ABCC9: variants seen among roughly 807,000 people sequenced by gnomAD.
ABCC9 encodes the protein ATP binding cassette subfamily C member 9.
ABCC9 carries 95 observed loss-of-function variants against 188.3 expected under a neutral mutation model. That is an observed-to-expected ratio of 0.50 (90% CI 0.43 to 0.60). The LOEUF is 0.60. Among genes scored for constraint, ABCC9 ranks in the 20% least tolerant of loss-of-function variants. ABCC9 has a pLI of 0.00. For synonymous variants in ABCC9, 659 were observed against 652.7 expected (o/e 1.01, Z -0.15); for missense variants, 1,102 against 1,876.3 (o/e 0.59, Z 7.62).
At position 21,818,666 on chromosome 12, in the gene ABCC9, G is replaced by A. The variant is rs181951764; in HGVS notation, c.3670-415C>T. ...TTACTTTTTTTTTTTTTTTTTTTCC[G>A]ACTTTCTACTGCATTATGTTGCCAG... On this transcript the variant is annotated intron_variant, in intron 31 of 39. Coordinates refer to ENST00000261200, the MANE Select transcript of ABCC9 (RefSeq NM_020297.4). Among the ~76,000 whole-genome samples the A allele has an allele frequency of 3.9e-3, 486 of 125,200 alleles. 4 individuals carry two copies. Among genetic ancestry groups the A allele is most frequent in the African/African-American group, 0.013 (446 of 33,092 alleles). 82.1% of individuals were successfully genotyped at this position (125,200 alleles called of 152,430 possible).
chr12:21,846,091 G>A (rs1050456467), intron 25 of ABCC9, among the ~76,000 whole-genome samples: 2 of 152,146 alleles, frequency 1.3e-5, no homozygotes, highest in Admixed American at 1.3e-4. Context: ...ACATCAAATT[G>A]ACTGGAAGAA....
chr12:21,802,775 G>A (rs1026110680), intron 39 of ABCC9, among the ~76,000 whole-genome samples: 2 of 152,056 alleles, frequency 1.3e-5, no homozygotes, highest in Non-Finnish European at 2.9e-5. Context: ...GTCTTCCAAA[G>A]TGCTTCTCTG....
At chr12:21,839,838 T>A (rs1944289588) in intron 29 of ABCC9, among the ~76,000 whole-genome samples, 2 of 152,192 alleles carry the variant, frequency 1.3e-5, no homozygotes, top group Admixed American at 1.3e-4. Context: ...AAATGGAGTT[T>A]CTAAAATGGA....
rs565927065 is a variant in ABCC9 at position 21,812,093 on chromosome 12, A to C, written c.4167T>G (p.Leu1389=). 1 of 1,613,338 alleles carries C rather than the reference A, an allele frequency of 6.2e-7. No individual in the cohort carries two copies. The highest frequency in any genetic ancestry group is 8.5e-7 in the Non-Finnish European group (1 of 1,179,396). The change falls in exon 36 of 40, where the codon CTT becomes CTG. Residue 1389 remains leucine (L), a synonymous_variant. Coordinates refer to ENST00000261200, the MANE Select transcript of ABCC9 (RefSeq NM_020297.4). ...KLPLHTLRSR[L]SIILQDPILF... Reference sequence around the variant, plus strand: ...GTATTGGATCCTGCAGAATGATTGAAAGTCTAGAACGTAGTGTGTGCAGTG... The same window carrying C: ...GTATTGGATCCTGCAGAATGATTGACAGTCTAGAACGTAGTGTGTGCAGTG...
chr12:21,853,933 T>G (rs1945097407), intron 22 of ABCC9, among the ~76,000 whole-genome samples: 1 of 152,166 alleles, frequency 6.6e-6, no homozygotes, highest in Non-Finnish European at 1.5e-5. Context: ...GAAAAAAAGT[T>G]TATAAAGGTC....
intron 15 of ABCC9, among the ~76,000 whole-genome samples, chr12:21,883,761 A>G (rs1357304729): frequency 6.6e-6 from 1 of 152,020 alleles, no homozygotes; most frequent in Non-Finnish European, 1.5e-5. Context: ...GTGTTTCATC[A>G]GGAGATCCAT....
intron 25 of ABCC9, among the ~76,000 whole-genome samples, chr12:21,847,792 T>A (rs1393363734): frequency 6.6e-6 from 1 of 152,202 alleles, no homozygotes; most frequent in African/African-American, 2.4e-5. Flanking sequence ...TTCCCCTTTA[T>A]TACTTATTTC....
intron 15 of ABCC9, among the ~76,000 whole-genome samples, chr12:21,886,544 C>T (rs1592149781): frequency 6.6e-6 from 1 of 152,226 alleles, no homozygotes; most frequent in East Asian, 1.9e-4. Context: ...TACTGATCTA[C>T]GTGTTTTACT....
chr12:21,865,338 A>C (rs1945727009), intron 18 of ABCC9, among the ~76,000 whole-genome samples: 1 of 152,116 alleles, frequency 6.6e-6, no homozygotes, highest in Admixed American at 6.6e-5. Flanking sequence ...ACTACTGCAC[A>C]CTGCTAATGA....
intron 5 of ABCC9, among the ~76,000 whole-genome samples, chr12:21,918,800 G>A (rs1592234515): frequency 2.0e-5 from 3 of 152,038 alleles, no homozygotes; most frequent in African/African-American, 7.3e-5. Context: ...CTAGAACCCA[G>A]GCACAGGTCC....
At chr12:21,807,893 T>A (rs918527199) in intron 37 of ABCC9, among the ~76,000 whole-genome samples, 2 of 152,170 alleles carry the variant, frequency 1.3e-5, no homozygotes, top group African/African-American at 2.4e-5. Context: ...ACTTCTCTTT[T>A]CATTATACCA....
At position 21,933,941 on chromosome 12, in the gene ABCC9, G is replaced by T; in HGVS notation, c.143-18C>A. 6.2e-7 allele frequency: 1 copy of T among 1,612,994 alleles called. No individual in the cohort carries two copies. The highest frequency in any genetic ancestry group is 1.3e-5 in the African/African-American group (1 of 74,950). On this transcript the variant is annotated intron_variant, in intron 3 of 39. Transcript: ENST00000261200. ...CCCCCACCCTGGAAAAGAGAGAAAA[G>T]TTAAAAACAAAAAGACATAAACCGA...
chr12:21,886,707 G>A (rs1387488691), intron 15 of ABCC9, among the ~76,000 whole-genome samples: 1 of 151,836 alleles, frequency 6.6e-6, no homozygotes, highest in Non-Finnish European at 1.5e-5. Context: ...GGCTTACGAG[G>A]GCCCTCAATC....
intron 2 of ABCC9, among the ~76,000 whole-genome samples, chr12:21,938,659 T>A (rs904549169): frequency 3.3e-5 from 5 of 152,234 alleles, no homozygotes; most frequent in Admixed American, 6.5e-5. Context: ...ACTTTTATAA[T>A]CTTATCCAAA....
rs1207769586 is a variant in ABCC9 at position 21,845,808 on chromosome 12, T to A, written c.2891A>T (p.Asp964Val). ...DEEEEEEEDEDDNMSTVMRLR... is the reference protein window; with the variant it reads ...DEEEEEEEDEVDNMSTVMRLR... ...CCTCATTACAGTGGACATGTTATCATCCTCATCTTCCTCCTCTTCTTCCTC... is the reference window on the plus strand; with the variant it reads ...CCTCATTACAGTGGACATGTTATCAACCTCATCTTCCTCCTCTTCTTCCTC... Residue 964 changes from aspartate to valine, a missense_variant, in exon 26 of 40, where the codon GAT becomes GTT. Coordinates refer to ENST00000261200, the MANE Select transcript of ABCC9 (RefSeq NM_020297.4). 3 of 1,613,470 alleles carry A rather than the reference T, an allele frequency of 1.9e-6. No homozygotes were observed. The highest frequency in any genetic ancestry group is 2.5e-6 in the Non-Finnish European group (3 of 1,179,804).
At chr12:21,825,828 C>T (rs369695567) in intron 31 of ABCC9, among the ~76,000 whole-genome samples, 17 of 152,152 alleles carry the variant, frequency 1.1e-4, no homozygotes, top group Admixed American at 2.6e-4. Flanking sequence ...GGATGAGGTT[C>T]GGAGAACGTC....
At chr12:21,865,140 T>C (rs762539387) in intron 18 of ABCC9, among the ~76,000 whole-genome samples, 1 of 152,090 alleles carries the variant, frequency 6.6e-6, no homozygotes, top group Non-Finnish European at 1.5e-5. Flanking sequence ...TAATTTAGGG[T>C]CAGTTGAATT....
At chr12:21,895,450 G>A in intron 12 of ABCC9, 135 bp from the exon 13 acceptor site, 1 of 765,050 alleles carries the variant, frequency 1.3e-6, no homozygotes, top group Non-Finnish European at 2.2e-6. Context: ...TTTGTCTGGA[G>A]TCCACAAACA....
intron 4 of ABCC9, among the ~76,000 whole-genome samples, chr12:21,927,553 C>A (rs750002776): frequency 6.6e-6 from 1 of 151,960 alleles, no homozygotes; most frequent in South Asian, 2.1e-4. Flanking sequence ...AGGGTGATGG[C>A]AATAGAGAAG....
Sources: gnomAD v4.1 joint callset for allele counts (sites outside exome capture counted in the v4.1 genomes callset) on GRCh38, gnomAD v4.1.1 for gene constraint, MANE v1.5 for transcripts, NCBI Gene and HGNC (gene_info 2026-07-23, HGNC 2026-07-21) for gene names.